The following DAB1 variants were observed in gnomAD, a reference collection of about 807,000 sequenced individuals.
DAB1 encodes disabled homolog 1.
Under a neutral mutation model 64.6 loss-of-function variants are expected in DAB1, and 15 were observed. The observed-to-expected ratio is 0.23, with a 90% CI of 0.16 to 0.36. DAB1 has a LOEUF of 0.36. DAB1 is among the 10% of genes least tolerant of loss of function. The pLI is 1.00. For missense variants in DAB1, 596 were observed against 706.7 expected, an observed-to-expected ratio of 0.84 and a Z score of 1.78; for synonymous variants, 235 against 251.9, an observed-to-expected ratio of 0.93 and a Z score of 0.64.
chr1:58,141,808 G>C (rs1212780187), intron 5 of DAB1, among the ~76,000 whole-genome samples: 2 of 152,202 alleles, frequency 1.3e-5, no homozygotes, highest in African/African-American at 4.8e-5. Context: ...TGGGTAGAGG[G>C]AACAGCTTGG....
intron 3 of DAB1, among the ~76,000 whole-genome samples, chr1:58,482,086 A>G (rs1418737860): frequency 6.6e-6 from 1 of 152,244 alleles, no homozygotes; most frequent in Admixed American, 6.5e-5. Flanking sequence ...TATGGGGCTC[A>G]GCTATGACTA....
intron 4 of DAB1, among the ~76,000 whole-genome samples, chr1:58,310,232 C>T (rs1263118919): frequency 1.3e-5 from 2 of 152,166 alleles, no homozygotes; most frequent in African/African-American, 2.4e-5. Flanking sequence ...CATCTCTGAA[C>T]ACCTATTTCT....
intron 5 of DAB1, among the ~76,000 whole-genome samples, chr1:57,938,327 C>T (rs754304065): frequency 3.3e-5 from 5 of 152,174 alleles, no homozygotes; most frequent in African/African-American, 9.7e-5. Context: ...GGATCACATT[C>T]GTCCCTATTA....
At chr1:58,140,892 T>C (rs1190802462) in intron 5 of DAB1, among the ~76,000 whole-genome samples, 1 of 152,210 alleles carries the variant, frequency 6.6e-6, no homozygotes, top group African/African-American at 2.4e-5. Context: ...CAGCAGAGGA[T>C]GAGGAAACTC....
intron 7 of DAB1, among the ~76,000 whole-genome samples, chr1:57,610,560 A>T (rs1282626195): frequency 6.6e-6 from 1 of 152,210 alleles, no homozygotes; most frequent in East Asian, 1.9e-4. Context: ...CACCCTTCTA[A>T]TAACAAATAC....
intron 1 of DAB1, among the ~76,000 whole-genome samples, chr1:57,393,378 G>A (rs1442463600): frequency 6.6e-6 from 1 of 152,160 alleles, no homozygotes; most frequent in Admixed American, 6.5e-5. Context: ...CGTAGCTGGT[G>A]CTTATATTGA....
chr1:58,126,396 G>C (rs1653083983), intron 5 of DAB1, among the ~76,000 whole-genome samples: 1 of 151,960 alleles, frequency 6.6e-6, no homozygotes, highest in Non-Finnish European at 1.5e-5. Flanking sequence ...CACTGAGAAA[G>C]AAACACATAG....
intron 7 of DAB1, among the ~76,000 whole-genome samples, chr1:57,540,845 A>G (rs115285808): frequency 0.015 from 2,286 of 152,292 alleles, 48 homozygotes; most frequent in African/African-American, 0.053. Context: ...GGGAATGAAG[A>G]GAGGTGGGTT....
intron 3 of DAB1, among the ~76,000 whole-genome samples, chr1:58,493,435 A>G (rs1255350094): frequency 1.3e-5 from 2 of 152,002 alleles, no homozygotes; most frequent in African/African-American, 4.8e-5. Flanking sequence ...GGCAAGAGAA[A>G]GAAATAAAGG....
At chr1:57,196,007 G>T (rs939769539) in intron 2 of DAB1, among the ~76,000 whole-genome samples, 1 of 152,096 alleles carries the variant, frequency 6.6e-6, no homozygotes, top group East Asian at 1.9e-4. Flanking sequence ...GCAACAGAAA[G>T]CAGTCAGTGC....
In DAB1 at chr1:58,129,763, C is replaced by T. The variant is rs551950974; in HGVS notation, n.387+20748G>A. Among the ~76,000 whole-genome samples the T allele has an allele frequency of 8.4e-4, 128 of 151,630 alleles. 1 individual carries two copies. Among genetic ancestry groups the T allele is most frequent in the African/African-American group, 2.6e-3 (109 of 41,290 alleles). ...GTTGTTCAGTTTCCATGTAGTTGAG[C>T]GGCTTTGAGTGAGATTCTTAATCCT... is the stretch of plus-strand genomic sequence containing the variant. On this transcript the variant is annotated intron_variant and non_coding_transcript_variant, in intron 5 of 20. Transcript: ENST00000485760.
chr1:57,099,246 A>C (rs1654451620), intron 4 of DAB1, among the ~76,000 whole-genome samples: 1 of 152,252 alleles, frequency 6.6e-6, no homozygotes, highest in Non-Finnish European at 1.5e-5. Flanking sequence ...TGATCTCTCC[A>C]AGCCTCAGTT....
intron 5 of DAB1, among the ~76,000 whole-genome samples, chr1:58,136,838 T>A (rs1206258416): frequency 2.0e-5 from 3 of 152,238 alleles, no homozygotes. Flanking sequence ...GCCTGAAAAG[T>A]AACTTGCTGA....
intron 7 of DAB1, among the ~76,000 whole-genome samples, chr1:57,614,994 C>T (rs1250059350): frequency 3.3e-5 from 5 of 151,662 alleles, no homozygotes; most frequent in Admixed American, 2.0e-4. Context: ...CCTCAGCTCC[C>T]GAGTAGTTGG....
At chr1:57,278,440 A>G (rs1011148224) in intron 2 of DAB1, among the ~76,000 whole-genome samples, 10 of 152,222 alleles carry the variant, frequency 6.6e-5, no homozygotes, top group African/African-American at 2.4e-4. Flanking sequence ...CCTTGTCAAT[A>G]AGACTCAGCT....
At chr1:57,742,209 G>T (rs11584699) in intron 6 of DAB1, among the ~76,000 whole-genome samples, 1 of 152,100 alleles carries the variant, frequency 6.6e-6, no homozygotes, top group African/African-American at 2.4e-5. Flanking sequence ...CCTAGGAAAG[G>T]CCTTGGAGAT....
At chr1:57,371,537 G>T (rs1351567979) in intron 1 of DAB1, among the ~76,000 whole-genome samples, 1 of 152,166 alleles carries the variant, frequency 6.6e-6, no homozygotes, top group Non-Finnish European at 1.5e-5. Context: ...AATGACAGGT[G>T]ATTTATTTCT....
chr1:57,230,660 G>A (rs1667608724), intron 2 of DAB1, among the ~76,000 whole-genome samples: 1 of 91,424 alleles, frequency 1.1e-5, no homozygotes, highest in Admixed American at 1.3e-4. Flanking sequence ...CATATTTTGA[G>A]GGTACATGTG....
At chr1:57,498,339 T>A (rs1220021166) in intron 7 of DAB1, among the ~76,000 whole-genome samples, 1 of 152,072 alleles carries the variant, frequency 6.6e-6, no homozygotes, top group East Asian at 1.9e-4. Flanking sequence ...GGAGGAAGTA[T>A]GTGATGAGAA....
Sources: allele counts gnomAD v4.1 joint callset (sites outside exome capture counted in the v4.1 genomes callset), GRCh38; gene constraint gnomAD v4.1.1; transcripts MANE v1.5; gene names NCBI Gene and HGNC (gene_info 2026-07-23, HGNC 2026-07-21).